Variants in IQGAP2 observed in about 807,000 individuals in gnomAD.
The protein encoded by IQGAP2 is IQ motif containing GTPase activating protein 2, also known as ras GTPase-activating-like protein IQGAP2.
Under a neutral mutation model 201.3 loss-of-function variants are expected in IQGAP2, and 173 were observed. The observed-to-expected ratio is 0.86, with a 90% confidence interval of 0.76 to 0.98. The LOEUF (loss-of-function observed/expected upper bound fraction) is 0.98, where lower values mean the gene tolerates loss of function less well. Among genes scored for constraint, IQGAP2 ranks in the 50% least tolerant of loss-of-function variants. IQGAP2 has a pLI of 0.00. For synonymous variants in IQGAP2, 675 were observed against 673.9 expected (o/e 1.00, Z -0.03); for missense variants, 1,687 against 1,864.8 (o/e 0.90, Z 1.76).
intron 2 of IQGAP2, among the ~76,000 whole-genome samples, chr5:76,504,105 A>G (rs1318052415): frequency 6.6e-6 from 1 of 152,222 alleles, no homozygotes; most frequent in Non-Finnish European, 1.5e-5. Flanking sequence ...CTTGACTTTT[A>G]GAGCATAGCG....
rs1024245438 is a variant in IQGAP2 at position 76,702,497 on chromosome 5, A to G, written c.4521A>G (p.Thr1507=). The G allele has an allele frequency of 6.5e-7, 1 of 1,536,084 alleles. No individual in the cohort carries two copies. Among genetic ancestry groups the G allele is most frequent in the Non-Finnish European group, 9.0e-7 (1 of 1,109,180 alleles). The change falls in exon 35 of 36, where the codon ACA becomes ACG. Residue 1507 remains threonine, a synonymous_variant. Transcript: ENST00000274364. ...TTCTTCACAGGTTTAAGAATGTTAC[A>G]TTTGATATCATAGCTACTGAAGATG... ...DLQTNQFKNV[T]FDIIATEDVG... is the part of the protein sequence containing the mutation.
chr5:76,634,017 C>T (rs1207484578), intron 15 of IQGAP2, among the ~76,000 whole-genome samples: 1 of 151,650 alleles, frequency 6.6e-6, no homozygotes, highest in Admixed American at 6.6e-5. Context: ...CAGGTTTTTT[C>T]ATGGATATAT....
At chr5:76,407,264 G>T (rs1750851755) in intron 1 of IQGAP2, among the ~76,000 whole-genome samples, 1 of 152,118 alleles carries the variant, frequency 6.6e-6, no homozygotes, top group Non-Finnish European at 1.5e-5. Flanking sequence ...ACCACACCTG[G>T]CCTGATACTG....
chr5:76,494,919 C>T (rs1297387277), intron 2 of IQGAP2, among the ~76,000 whole-genome samples: 1 of 152,132 alleles, frequency 6.6e-6, no homozygotes, highest in Non-Finnish European at 1.5e-5. Flanking sequence ...TGAATTGGGA[C>T]CTTTTTAAAT....
At chr5:76,611,483 G>A (rs1748406814) in intron 13 of IQGAP2, among the ~76,000 whole-genome samples, 2 of 152,158 alleles carry the variant, frequency 1.3e-5, no homozygotes. Flanking sequence ...GCACACTTCA[G>A]TCCATAGCTT....
intron 30 of IQGAP2, among the ~76,000 whole-genome samples, chr5:76,692,682 G>A (rs1454842976): frequency 1.3e-5 from 2 of 152,154 alleles, no homozygotes; most frequent in African/African-American, 4.8e-5. Flanking sequence ...TTACTGAGAA[G>A]CTCTTCTATT....
chr5:76,686,426 C>T (rs1745758151), intron 30 of IQGAP2, among the ~76,000 whole-genome samples: 1 of 151,250 alleles, frequency 6.6e-6, no homozygotes, highest in South Asian at 2.1e-4. Context: ...TTAGCTTTTA[C>T]AGTTAGGTCT....
At chr5:76,433,702 C>A (rs1162762506) in intron 1 of IQGAP2, among the ~76,000 whole-genome samples, 1 of 152,108 alleles carries the variant, frequency 6.6e-6, no homozygotes, top group Non-Finnish European at 1.5e-5. Context: ...CTGCCTGAAC[C>A]CTGACTACTT....
chr5:76,626,429 C>A (rs997055318), intron 13 of IQGAP2, among the ~76,000 whole-genome samples: 1 of 151,990 alleles, frequency 6.6e-6, no homozygotes, highest in African/African-American at 2.4e-5. Flanking sequence ...CACCACCACT[C>A]CTGGCTAATT....
At chr5:76,573,122 C>T (rs1580488978) in intron 4 of IQGAP2, among the ~76,000 whole-genome samples, 1 of 151,994 alleles carries the variant, frequency 6.6e-6, no homozygotes, top group East Asian at 1.9e-4. Flanking sequence ...GATGATAAAC[C>T]GATTAATAAA....
At chr5:76,703,198 C>T (rs1422854634) in intron 35 of IQGAP2, among the ~76,000 whole-genome samples, 3 of 152,138 alleles carry the variant, frequency 2.0e-5, no homozygotes, top group African/African-American at 7.2e-5. Context: ...CTCTGTCGCC[C>T]AGGCTGGAAT....
intron 2 of IQGAP2, among the ~76,000 whole-genome samples, chr5:76,550,389 T>G (rs1039403647): frequency 6.9e-6 from 1 of 144,630 alleles, no homozygotes; most frequent in Non-Finnish European, 1.5e-5. Flanking sequence ...CATTCTTGGG[T>G]GTTTCTCGGA....
chr5:76,534,110 A>G (rs1759486208), intron 2 of IQGAP2, among the ~76,000 whole-genome samples: 1 of 152,202 alleles, frequency 6.6e-6, no homozygotes, highest in Non-Finnish European at 1.5e-5. Context: ...TTTGAGGGTT[A>G]ATCCATCAGG....
At chr5:76,558,781 G>A (rs1744121538) in intron 2 of IQGAP2, among the ~76,000 whole-genome samples, 1 of 152,220 alleles carries the variant, frequency 6.6e-6, no homozygotes, top group Admixed American at 6.5e-5. Flanking sequence ...AGAAACTGAA[G>A]CTCAGAGAGG....
chr5:76,673,689 T>C, intron 25 of IQGAP2, 100 bp downstream of exon 25: 3 of 1,231,620 alleles, frequency 2.4e-6, no homozygotes, highest in Non-Finnish European at 3.5e-6. Flanking sequence ...TTTTCCCTTA[T>C]ATTGTGTTTA....
At chr5:76,405,902 C>T (rs933055485) in intron 1 of IQGAP2, among the ~76,000 whole-genome samples, 2 of 152,222 alleles carry the variant, frequency 1.3e-5, no homozygotes, top group Admixed American at 1.3e-4. Flanking sequence ...CAGGTGTTAC[C>T]CCTAGCATTT....
chr5:76,570,010 A>T (rs1745003235), intron 3 of IQGAP2, among the ~76,000 whole-genome samples: 1 of 152,204 alleles, frequency 6.6e-6, no homozygotes, highest in Non-Finnish European at 1.5e-5. Context: ...TTTCTTATAT[A>T]CAAGGCCAAG....
chr5:76,685,679 T>C (rs1263804970), intron 30 of IQGAP2, among the ~76,000 whole-genome samples: 1 of 142,496 alleles, frequency 7.0e-6, no homozygotes, highest in Non-Finnish European at 1.5e-5. Flanking sequence ...CCTCTGCCCT[T>C]GTGTGGCTCT....
intron 3 of IQGAP2, among the ~76,000 whole-genome samples, chr5:76,563,399 T>C (rs1313664625): frequency 1.3e-5 from 2 of 152,188 alleles, no homozygotes; most frequent in Non-Finnish European, 2.9e-5. Context: ...GATGAAGTGA[T>C]AGATCTAGGA....
Sources: allele counts gnomAD v4.1 joint callset (sites outside exome capture counted in the v4.1 genomes callset), GRCh38; gene constraint gnomAD v4.1.1; transcripts MANE v1.5; gene names NCBI Gene and HGNC (gene_info 2026-07-23, HGNC 2026-07-21).